The following RUSC2 variants were observed in gnomAD, a reference collection of about 807,000 sequenced individuals.
RUSC2 encodes the protein AP-4 complex accessory subunit RUSC2.
A neutral mutation model predicts 122.2 loss-of-function variants in RUSC2; 34 were observed. That is an observed-to-expected ratio of 0.28 (90% CI 0.21 to 0.37). RUSC2 has a LOEUF of 0.37. Ranked by LOEUF, RUSC2 falls within the 10% of genes least tolerant of loss-of-function variation. The pLI is 1.00. For synonymous variants in RUSC2, 784 were observed against 790.0 expected (o/e 0.99, Z 0.13); for missense variants, 1,747 against 1,952.4 (o/e 0.89, Z 1.98).
chr9:35,535,647 T>C (rs1410773568), intron 1 of RUSC2, among the ~76,000 whole-genome samples: 1 of 151,046 alleles, frequency 6.6e-6, no homozygotes, highest in African/African-American at 2.4e-5. Flanking sequence ...CACGCCATTC[T>C]CCTGCCTCAG....
At chr9:35,531,832 T>C (rs977774003) in intron 1 of RUSC2, among the ~76,000 whole-genome samples, 2 of 152,188 alleles carry the variant, frequency 1.3e-5, no homozygotes, top group African/African-American at 4.8e-5. Flanking sequence ...GAGATCATCC[T>C]GGCTAACACA....
rs182476024 is a variant in RUSC2 at position 35,555,225 on chromosome 9, G to A, written c.2180G>A (p.Arg727His). 388 of 1,612,890 alleles carry A rather than the reference G, an allele frequency of 2.4e-4. 4 individuals are homozygous for A. The East Asian group carries it at 8.2e-3, about 34-fold the overall frequency. Residue 727 changes from arginine (R) to histidine (H), a missense_variant, in exon 3 of 12, where the codon CGT becomes CAT. Arg to His is a conservative substitution (Grantham distance 29). Coordinates refer to ENST00000361226, the MANE Select transcript of RUSC2 (RefSeq NM_014806.5). This position sits in a 1 kb window ranked among gnomAD's most constrained non-coding sequence, Gnocchi z 4.6. ...CTCTACAGCCTCTCAGGCTGCAGCC[G>A]TACACAGCAGCCTGCCCCACTGGCT... ...SQLYSLSGCS[R>H]TQQPAPLAAP... is the part of the protein sequence containing the mutation.
chr9:35,547,182 T>C lies in RUSC2; in HGVS notation c.661T>C (p.Ser221Pro). Residue 221 changes from serine to proline, a missense_variant, in exon 2 of 12, where the codon TCT (serine) becomes CCT (proline). Transcript: ENST00000361226. This position sits in a 1 kb window ranked among gnomAD's most constrained non-coding sequence, Gnocchi z 4.6. ...CAGTGGGGGTGGAGCCAGCGATACC[T>C]CTGGCTTTTCCTTTGACCAGGAATG... ...SGSGGGASDT[S>P]GFSFDQEWKL... is the part of the protein sequence containing the mutation. 6.2e-7 allele frequency: 1 copy of C among 1,614,154 alleles called. No homozygotes were observed. The highest frequency in any genetic ancestry group is 8.5e-7 in the Non-Finnish European group (1 of 1,180,032).
chr9:35,536,691 G>A (rs1821534140), intron 1 of RUSC2, among the ~76,000 whole-genome samples: 1 of 149,258 alleles, frequency 6.7e-6, no homozygotes, highest in African/African-American at 2.5e-5. Flanking sequence ...GCAGGTGCCT[G>A]TAATCCCAGC....
At position 35,557,455 on chromosome 9, in the gene RUSC2, G is replaced by A. The variant is rs190555913; in HGVS notation, c.2984-459G>A. ...ACTCTGTTCTCTGAAGCAGAACCAA[G>A]GGCTTGAGAGGAGGGGTGTCGATTT... On this transcript the variant is annotated intron_variant, in intron 5 of 11. Coordinates refer to ENST00000361226, the MANE Select transcript of RUSC2 (RefSeq NM_014806.5). The surrounding 1 kb of genome is among the most constrained non-coding windows in gnomAD (Gnocchi z 4.6). 2.0e-4 allele frequency among the ~76,000 whole-genome samples: 31 copies of A among 152,306 alleles called. No homozygotes were observed. Among genetic ancestry groups the A allele is most frequent in the Non-Finnish European group, 4.0e-4 (27 of 68,024 alleles).
rs865926030 is a variant in RUSC2 at position 35,546,536 on chromosome 9, A to G, written c.15A>G (p.Pro5=). 6.8e-7 allele frequency: 1 copy of G among 1,463,332 alleles called. No homozygotes were observed. The highest frequency in any genetic ancestry group is 1.8e-4 in the Middle Eastern group (1 of 5,464). The allele number at this position is 1,463,332 out of a possible 1,614,324, so 90.6% of individuals were successfully genotyped here. Residue 5 remains proline, a synonymous_variant, in exon 2 of 12, where the codon CCA becomes CCG. Transcript: ENST00000361226. This position sits in a 1 kb window ranked among gnomAD's most constrained non-coding sequence, Gnocchi z 4.3. ...AACTTTCCAGAATGGATAGTCCCCCAAAGCTGACTGGAGAGACCCTCATCG... is the reference window on the plus strand; with the variant it reads ...AACTTTCCAGAATGGATAGTCCCCCGAAGCTGACTGGAGAGACCCTCATCG... MDSP[P]KLTGETLIVH...
intron 9 of RUSC2, among the ~76,000 whole-genome samples, chr9:35,559,799 C>T (rs1822103473): frequency 6.6e-6 from 1 of 152,142 alleles, no homozygotes; most frequent in Non-Finnish European, 1.5e-5. Context: ...TTAGGGTGGC[C>T]AGGAATCCCT....
chr9:35,537,352 C>G (rs1821549959), intron 1 of RUSC2, among the ~76,000 whole-genome samples: 1 of 152,228 alleles, frequency 6.6e-6, no homozygotes, highest in South Asian at 2.1e-4. Context: ...CTTATCCAAC[C>G]CCGCTTTGTG....
chr9:35,529,732 T>C (rs958573083), intron 1 of RUSC2, among the ~76,000 whole-genome samples: 3 of 151,876 alleles, frequency 2.0e-5, no homozygotes, highest in Non-Finnish European at 2.9e-5. Context: ...TGCTCAGTCA[T>C]GTTTCCATCC....
Position 35,555,243 on chromosome 9 carries a change from C to G in RUSC2, c.2198C>G (p.Pro733Arg). Residue 733 changes from proline to arginine, a missense_variant, in exon 3 of 12, where the codon CCA becomes CGA. Coordinates refer to ENST00000361226, the MANE Select transcript of RUSC2 (RefSeq NM_014806.5). This position sits in a 1 kb window ranked among gnomAD's most constrained non-coding sequence, Gnocchi z 4.6. The stretch of plus-strand genomic sequence containing the variant: ...TGCAGCCGTACACAGCAGCCTGCCC[C>G]ACTGGCTGCCCCTGCTGCTCAAGTC... ...SGCSRTQQPA[P>R]LAAPAAQVSV... 6.2e-7 allele frequency: 1 copy of G among 1,613,250 alleles called. No individual in the cohort carries two copies. Among genetic ancestry groups the G allele is most frequent in the Non-Finnish European group, 8.5e-7 (1 of 1,180,022 alleles).
At chr9:35,544,907 A>C (rs183353205) in intron 1 of RUSC2, among the ~76,000 whole-genome samples, 1 of 152,110 alleles carries the variant, frequency 6.6e-6, no homozygotes, top group East Asian at 1.9e-4. Context: ...GACTCTCTTA[A>C]TATCTGCCCT....
chr9:35,560,967 T>C lies in RUSC2; in HGVS notation c.4219T>C (p.Ser1407Pro), dbSNP rs909261451. The C allele has an allele frequency of 1.2e-6, 2 of 1,613,940 alleles. No individual in the cohort carries two copies. Among genetic ancestry groups the C allele is most frequent in the South Asian group, 2.2e-5 (2 of 91,062 alleles). ...TCCAGCTGCTGTCCCTAGGCTCCCC[T>C]CGGACTGGCTGAGCCTGGACAAGTC... ...REARPTNRLP[S>P]DWLSLDKSMF... Residue 1407 changes from serine (S) to proline (P), a missense_variant, in exon 11 of 12, where the codon TCG becomes CCG. Physicochemically the swap from Ser to Pro is moderately conservative, Grantham distance 74. Coordinates refer to ENST00000361226, the MANE Select transcript of RUSC2 (RefSeq NM_014806.5).
Position 35,560,430 on chromosome 9 carries a change from C to T in RUSC2, c.3790C>T (p.Arg1264Ter), listed in dbSNP as rs2131706815. The T allele has an allele frequency of 6.2e-7, 1 of 1,614,156 alleles. No homozygotes were observed. Among genetic ancestry groups the T allele is most frequent in the Non-Finnish European group, 8.5e-7 (1 of 1,180,010 alleles). Residue 1264 changes from arginine (R) to a stop codon, truncating the protein, a stop_gained, in exon 10 of 12, where the codon CGA becomes TGA. Transcript: ENST00000361226. LOFTEE classifies it high-confidence loss of function. ...GGGCTCAGGGCGTGCCAGGTGGGCC[C>T]GAGGTGGGCAGGCCGGCTGGTGGTA... ...AGGSGRARWARGGQAGWWYQL... is the reference protein window; with the variant it reads ...AGGSGRARWA
intron 1 of RUSC2, among the ~76,000 whole-genome samples, chr9:35,526,055 T>G (rs1191813262): frequency 2.6e-5 from 4 of 152,218 alleles, no homozygotes; most frequent in African/African-American, 9.6e-5. Context: ...ATGGTCAGTT[T>G]ACAGAGCACT....
intron 2 of RUSC2, chr9:35,549,076 A>C (rs1281924560): frequency 1.0e-6 from 1 of 984,946 alleles, no homozygotes; most frequent in Non-Finnish European, 1.2e-6. Context: ...TAAAATCAGC[A>C]GGACTTAGAG....
chr9:35,511,984 T>A (rs960965998), intron 1 of RUSC2, among the ~76,000 whole-genome samples: 68 of 152,168 alleles, frequency 4.5e-4, no homozygotes, highest in African/African-American at 1.6e-3. Context: ...ATTGAGACCA[T>A]CCTGGCTAAC....
chr9:35,506,351 C>T (rs924500163), intron 1 of RUSC2, among the ~76,000 whole-genome samples: 1 of 152,166 alleles, frequency 6.6e-6, no homozygotes, highest in Non-Finnish European at 1.5e-5. Context: ...GGATGAAGAG[C>T]TAAATTTGAA....
intron 1 of RUSC2, among the ~76,000 whole-genome samples, chr9:35,517,649 C>T (rs1054696804): frequency 3.3e-5 from 5 of 152,098 alleles, no homozygotes; most frequent in East Asian, 1.9e-4. Context: ...ATTCCTATTT[C>T]GTCTGTTCCT....
intron 1 of RUSC2, among the ~76,000 whole-genome samples, chr9:35,509,213 G>C (rs1396083770): frequency 6.6e-6 from 1 of 152,178 alleles, no homozygotes; most frequent in Non-Finnish European, 1.5e-5. Context: ...TGTAGTCCCA[G>C]CTACTCAGGA....
Sources: allele counts gnomAD v4.1 joint callset (sites outside exome capture counted in the v4.1 genomes callset), GRCh38; gene constraint gnomAD v4.1.1; non-coding constraint Gnocchi (gnomAD v3.1); transcripts MANE v1.5; gene names NCBI Gene and HGNC (gene_info 2026-07-23, HGNC 2026-07-21).